Variants in UGGT1 observed in about 807,000 individuals in gnomAD.
UGGT1 encodes the protein UDP-glucose:glycoprotein glucosyltransferase 1.
A neutral mutation model predicts 203.9 loss-of-function variants in UGGT1; 107 were observed. That is an observed-to-expected ratio of 0.52 (90% CI 0.45 to 0.62). The LOEUF is 0.62. Among genes scored for constraint, UGGT1 ranks in the 20% least tolerant of loss-of-function variants. The pLI, the probability that UGGT1 is intolerant of heterozygous loss-of-function variation, is 0.00. For missense variants in UGGT1, 1,673 were observed against 1,867.2 expected (o/e 0.90, Z 1.92); for synonymous variants, 628 against 653.5 (o/e 0.96, Z 0.59).
In UGGT1 at chr2:128,108,066, C is replaced by A. The variant is rs759541783; in HGVS notation, c.406C>A (p.Gln136Lys). ...SYSATIQAFQ[Q>K]IAADEPPPEG... Reference sequence around the variant, plus strand: ...CTCAGCTACAATCCAAGCCTTCCAGCAGGTGGGTCCAGTGCTCTTAAAGAA... The same window carrying A: ...CTCAGCTACAATCCAAGCCTTCCAGAAGGTGGGTCCAGTGCTCTTAAAGAA... The change falls in exon 4 of 41, where the codon CAG becomes AAG. Residue 136 changes from glutamine (Q) to lysine (K), a missense_variant and splice_region_variant. Coordinates refer to ENST00000259253, the MANE Select transcript of UGGT1 (RefSeq NM_020120.4). 1 of 1,614,062 alleles carries A rather than the reference C, an allele frequency of 6.2e-7. No homozygotes were observed. Among genetic ancestry groups the A allele is most frequent in the African/African-American group, 1.3e-5 (1 of 75,018 alleles).
chr2:128,140,493 C>G (rs1198341394), intron 16 of UGGT1: 4 of 152,328 alleles, frequency 2.6e-5, no homozygotes, highest in Non-Finnish European at 5.9e-5. Context: ...GCTGCTCCAT[C>G]TGTAGCAACA....
chr2:128,173,226 TG>T (rs1558818892), intron 29 of UGGT1, among the ~76,000 whole-genome samples: 1 of 152,256 alleles, frequency 6.6e-6, no homozygotes, highest in Admixed American at 6.5e-5. Context: ...CTTTTTAACT[TG>T]CCAGATAATA....
At chr2:128,108,168 C>T in intron 4 of UGGT1, 100 bp downstream of exon 4, 1 of 1,375,912 alleles carries the variant, frequency 7.3e-7, no homozygotes, top group Non-Finnish European at 9.7e-7. Context: ...GCTATTATCA[C>T]TTTTTTGCCT....
intron 22 of UGGT1, 152 bp downstream of exon 22, chr2:128,157,498 C>G: frequency 3.4e-6 from 2 of 593,924 alleles, no homozygotes; most frequent in Non-Finnish European, 2.9e-6. Flanking sequence ...AGAGATCTGC[C>G]AGCTCTCAAG....
chr2:128,165,612 G>A (rs958205377), intron 26 of UGGT1, among the ~76,000 whole-genome samples: 1 of 152,092 alleles, frequency 6.6e-6, no homozygotes, highest in Non-Finnish European at 1.5e-5. Flanking sequence ...CAGGAGAATC[G>A]CTTGAACCCA....
At chr2:128,152,176 A>G (rs1573579813) in intron 18 of UGGT1, among the ~76,000 whole-genome samples, 1 of 143,526 alleles carries the variant, frequency 7.0e-6, no homozygotes, top group African/African-American at 2.5e-5. Context: ...ACCTTTTCCT[A>G]TTTTTTTTTT....
At chr2:128,164,024 TA>T (rs1690658888) in intron 25 of UGGT1, among the ~76,000 whole-genome samples, 2 of 151,958 alleles carry the variant, frequency 1.3e-5, no homozygotes, top group South Asian at 4.2e-4. Flanking sequence ...TAAAAATACA[TA>T]AAAATTAGCT....
rs540033507 is a variant in UGGT1, at chr2:128,109,693, G to A, written c.468G>A (p.Lys156=). ...ATTCGTTTTTTTCAGTGCATGGAAA[G>A]AAGACTTGTGAATCTGATACCCTTG... is the stretch of plus-strand genomic sequence containing the variant. ...GCNSFFSVHG[K]KTCESDTLEA... The change falls in exon 5 of 41, where the codon AAG becomes AAA. Residue 156 remains lysine, a synonymous_variant. Coordinates refer to ENST00000259253, the MANE Select transcript of UGGT1 (RefSeq NM_020120.4). 2 of 1,614,154 alleles carry A rather than the reference G, an allele frequency of 1.2e-6. No individual in the cohort carries two copies. The highest frequency in any genetic ancestry group is 4.5e-5 in the East Asian group (2 of 44,874).
chr2:128,110,411 G>C (rs904305373), intron 5 of UGGT1, among the ~76,000 whole-genome samples: 1 of 151,884 alleles, frequency 6.6e-6, no homozygotes, highest in Admixed American at 6.6e-5. Context: ...TGGCTCCCCA[G>C]CACCCATCCT....
At chr2:128,109,899 A>G (rs1428591648) in intron 5 of UGGT1, among the ~76,000 whole-genome samples, 153 bp downstream of exon 5, 1 of 152,196 alleles carries the variant, frequency 6.6e-6, no homozygotes, top group Non-Finnish European at 1.5e-5. Context: ...TTTGAATCTC[A>G]GCTCCGTCAC....
At position 128,174,814 on chromosome 2, in the gene UGGT1, C is replaced by T. The variant is rs1691293506; in HGVS notation, c.3495C>T (p.Leu1165=). 1 of 1,613,636 alleles carries T rather than the reference C, an allele frequency of 6.2e-7. No individual in the cohort carries two copies. Among genetic ancestry groups the T allele is most frequent in the African/African-American group, 1.3e-5 (1 of 74,902 alleles). ...AAGCCAACCCAGGAGCTTGGATCCTCAGACTTAGGAAGGGACGCTCTGAAG... is the reference window on the plus strand; with the variant it reads ...AAGCCAACCCAGGAGCTTGGATCCTTAGACTTAGGAAGGGACGCTCTGAAG... ...QLKANPGAWI[L]RLRKGRSEDI... is the part of the protein sequence containing the mutation. Residue 1165 remains leucine, a synonymous_variant, in exon 31 of 41, where the codon CTC becomes CTT. Coordinates refer to ENST00000259253, the MANE Select transcript of UGGT1 (RefSeq NM_020120.4).
intron 27 of UGGT1, among the ~76,000 whole-genome samples, chr2:128,170,651 TC>T (rs1691047580): frequency 6.6e-6 from 1 of 152,180 alleles, no homozygotes; most frequent in Admixed American, 6.5e-5. Flanking sequence ...GAGTAAAACA[TC>T]CTGGAATTAA....
At chr2:128,116,205 A>G (rs780561361) in intron 7 of UGGT1, 60 bp from the exon 8 acceptor site, 86 of 1,098,336 alleles carry the variant, frequency 7.8e-5, no homozygotes, top group Non-Finnish European at 1.1e-4. Context: ...TGAGACTAGT[A>G]ACGTTTTTGT....
intron 8 of UGGT1, among the ~76,000 whole-genome samples, chr2:128,117,812 G>C (rs1178847432): frequency 6.6e-6 from 1 of 152,066 alleles, no homozygotes; most frequent in Non-Finnish European, 1.5e-5. Context: ...GCCTCCCAAA[G>C]TGCTGGGATT....
Position 128,176,836 on chromosome 2 carries a change from C to G in UGGT1, c.3562C>G (p.Pro1188Ala), listed in dbSNP as rs754349227. 4.3e-6 allele frequency: 7 copies of G among 1,613,966 alleles called. No individual in the cohort carries two copies. Among genetic ancestry groups the G allele is most frequent in the African/African-American group, 4.0e-5 (3 of 74,904 alleles). The change falls in exon 32 of 41, where the codon CCT becomes GCT. Residue 1188 changes from proline (P) to alanine (A), a missense_variant. By Grantham distance (27) the Pro-to-Ala change is conservative. Transcript: ENST00000259253. ...AAGCCACGATGGCACTGATTCTCCC[C>G]CTGATGCTGATGAGGTGGTTATCGT... ...IYSHDGTDSP[P>A]DADEVVIVLN...
chr2:128,158,552 T>C (rs1690360605), intron 22 of UGGT1, among the ~76,000 whole-genome samples: 1 of 152,278 alleles, frequency 6.6e-6, no homozygotes, highest in African/African-American at 2.4e-5. Flanking sequence ...AGAGTCCTTT[T>C]TCATTCTGTA....
chr2:128,091,275 C>A lies in UGGT1; in HGVS notation c.-83C>A, dbSNP rs568633955. 4.3e-4 allele frequency: 600 copies of A among 1,392,262 alleles called. 2 individuals carry two copies. The African/African-American group carries it at 8.2e-3, about 19-fold the overall frequency. The allele number at this position is 1,392,262 out of a possible 1,614,324, so 86.2% of individuals were successfully genotyped here. On this transcript the variant is annotated 5_prime_UTR_variant, in exon 1 of 41. Transcript: ENST00000259253. ...GGCGCGTGTCGGCCTCTCACTGGCG[C>A]AGCCTGCACTGCCGCTGCCGCCTCG... is the stretch of plus-strand genomic sequence containing the variant.
In UGGT1 at chr2:128,122,398, G is replaced by T. The variant is rs182891461; in HGVS notation, c.1074-788G>T. Among the ~76,000 whole-genome samples, 40 of 152,200 alleles carry T rather than the reference G, an allele frequency of 2.6e-4. No individual in the cohort carries two copies. In the East Asian group the frequency reaches 5.9e-3, roughly 22 times the overall value. Reference sequence around the variant, plus strand: ...ATATACAAAAAATTAGCTGGGCGTGGTGGCAGGGGTCTGTAATCCCAGTTA... The same window carrying T: ...ATATACAAAAAATTAGCTGGGCGTGTTGGCAGGGGTCTGTAATCCCAGTTA... On this transcript the variant is annotated intron_variant, in intron 10 of 40. Coordinates refer to ENST00000259253, the MANE Select transcript of UGGT1 (RefSeq NM_020120.4).
At chr2:128,189,583 A>G in intron 40 of UGGT1, 134 bp from the exon 41 acceptor site, 1 of 932,496 alleles carries the variant, frequency 1.1e-6, no homozygotes, top group Non-Finnish European at 1.6e-6. Flanking sequence ...CACAAATCCC[A>G]AAGATTTAGT....
Sources: allele counts gnomAD v4.1 joint callset (sites outside exome capture counted in the v4.1 genomes callset), GRCh38; gene constraint gnomAD v4.1.1; transcripts MANE v1.5; gene names NCBI Gene and HGNC (gene_info 2026-07-23, HGNC 2026-07-21).